The following INPP4B variants were observed in gnomAD, a reference collection of about 807,000 sequenced individuals.
INPP4B encodes inositol polyphosphate-4-phosphatase type II B.
INPP4B carries 55 observed loss-of-function variants against 122.5 expected under a neutral mutation model. That is an observed-to-expected ratio of 0.45 (90% CI 0.36 to 0.56). INPP4B has a LOEUF of 0.56. INPP4B is among the 20% of genes least tolerant of loss of function. The pLI, the probability that INPP4B is intolerant of heterozygous loss-of-function variation, is 0.00. For synonymous variants in INPP4B, 403 were observed against 388.7 expected (o/e 1.04, Z -0.43); for missense variants, 1,000 against 1,097.7 (o/e 0.91, Z 1.26).
At chr4:142,225,692 T>C (rs566745087) in intron 12 of INPP4B, among the ~76,000 whole-genome samples, 1 of 151,904 alleles carries the variant, frequency 6.6e-6, no homozygotes, top group Non-Finnish European at 1.5e-5. Context: ...ATGATGAAAA[T>C]TGTATATAGG....
intron 2 of INPP4B, among the ~76,000 whole-genome samples, chr4:142,641,305 A>T (rs996892540): frequency 6.6e-6 from 1 of 152,092 alleles, no homozygotes; most frequent in Non-Finnish European, 1.5e-5. Flanking sequence ...GTTCTAGGGT[A>T]CATGTGCACA....
rs1193027913 is a variant in INPP4B at position 142,442,857 on chromosome 4, T to C, written c.-126-11472A>G. The stretch of plus-strand genomic sequence containing the variant: ...GAGGTTTAATGGACTCAAAGTTCCA[T>C]ACAGCTGGGGAGGCTTCACAATCAT... On this transcript the variant is annotated intron_variant, in intron 3 of 25. Coordinates refer to ENST00000262992, the MANE Select transcript of INPP4B (RefSeq NM_001101669.3). Among the ~76,000 whole-genome samples the C allele has an allele frequency of 2.6e-5, 4 of 152,158 alleles. No homozygotes were observed. The East Asian group carries it at 7.7e-4, about 29-fold the overall frequency.
intron 7 of INPP4B, among the ~76,000 whole-genome samples, chr4:142,393,655 G>A (rs998248676): frequency 6.6e-6 from 1 of 152,204 alleles, no homozygotes; most frequent in Non-Finnish European, 1.5e-5. Flanking sequence ...TGGATGAACT[G>A]CAACCACAAG....
At chr4:142,694,399 G>C (rs887360098) in intron 2 of INPP4B, among the ~76,000 whole-genome samples, 1 of 143,776 alleles carries the variant, frequency 7.0e-6, no homozygotes, top group African/African-American at 2.5e-5. Flanking sequence ...AAGAAAAAAA[G>C]AAAAAAAAAA....
At chr4:142,158,741 A>T (rs1388682857) in intron 17 of INPP4B, among the ~76,000 whole-genome samples, 1 of 151,578 alleles carries the variant, frequency 6.6e-6, no homozygotes, top group Admixed American at 6.6e-5. Flanking sequence ...TTCAAAAATT[A>T]TCTAAAGAAA....
chr4:142,120,195 T>A (rs1007718800), intron 21 of INPP4B, among the ~76,000 whole-genome samples: 1 of 148,382 alleles, frequency 6.7e-6, no homozygotes, highest in Non-Finnish European at 1.5e-5. Flanking sequence ...TTTGTTCTAT[T>A]AATCTACATT....
chr4:142,305,449 G>A lies in INPP4B; in HGVS notation c.503+9C>T. ...CTTTAACAGTATTTCTACAAACAAA[G>A]AGACCCACCTCAGGCTCAGGACCAG... On this transcript the variant is annotated intron_variant, in intron 9 of 25. Coordinates refer to ENST00000262992, the MANE Select transcript of INPP4B (RefSeq NM_001101669.3). 5 of 1,601,190 alleles carry A rather than the reference G, an allele frequency of 3.1e-6. No homozygotes were observed. The highest frequency in any genetic ancestry group is 4.3e-6 in the Non-Finnish European group (5 of 1,171,572).
chr4:142,386,786 C>T (rs1421909523), intron 7 of INPP4B, among the ~76,000 whole-genome samples: 1 of 152,168 alleles, frequency 6.6e-6, no homozygotes, highest in Non-Finnish European at 1.5e-5. Flanking sequence ...ATTCCTTGCT[C>T]AATTAAACTC....
intron 3 of INPP4B, among the ~76,000 whole-genome samples, chr4:142,462,276 T>C (rs1580127166): frequency 1.3e-5 from 2 of 152,164 alleles, no homozygotes; most frequent in South Asian, 4.1e-4. Flanking sequence ...CTTTTACTTA[T>C]ATATTGATAT....
intron 2 of INPP4B, chr4:142,473,230 C>A (rs915552030): frequency 2.6e-5 from 4 of 152,190 alleles, no homozygotes; most frequent in African/African-American, 9.7e-5. Flanking sequence ...CTAGAGGAAA[C>A]AAAAGGGCTA....
chr4:142,358,663 A>C (rs933124701), intron 7 of INPP4B, among the ~76,000 whole-genome samples: 24 of 151,250 alleles, frequency 1.6e-4, no homozygotes, highest in Admixed American at 3.3e-4. Context: ...AAAAAAAAAA[A>C]AAAAAAAACT....
At chr4:142,258,955 A>T (rs906916837) in intron 11 of INPP4B, among the ~76,000 whole-genome samples, 1 of 152,146 alleles carries the variant, frequency 6.6e-6, no homozygotes, top group African/African-American at 2.4e-5. Flanking sequence ...GAACCAACCC[A>T]AATGTCCAAC....
At chr4:142,300,322 G>A (rs951108213) in intron 9 of INPP4B, among the ~76,000 whole-genome samples, 1 of 152,096 alleles carries the variant, frequency 6.6e-6, no homozygotes, top group Non-Finnish European at 1.5e-5. Context: ...CGCTGCTTCT[G>A]GCTCTCAAGT....
At chr4:142,664,320 C>T (rs570646067) in intron 2 of INPP4B, among the ~76,000 whole-genome samples, 2 of 152,246 alleles carry the variant, frequency 1.3e-5, no homozygotes, top group East Asian at 1.9e-4. Flanking sequence ...GCCATCTCTT[C>T]TCCCCGCTAA....
intron 2 of INPP4B, among the ~76,000 whole-genome samples, chr4:142,544,516 G>GCATA (rs1323854192): frequency 1.3e-5 from 2 of 151,954 alleles, no homozygotes; most frequent in Non-Finnish European, 2.9e-5. Context: ...ACCATCAGAA[G>GCATA]CATACATGAG....
intron 1 of INPP4B, among the ~76,000 whole-genome samples, chr4:142,797,458 C>T (rs745598495): frequency 4.6e-5 from 7 of 151,482 alleles, no homozygotes; most frequent in South Asian, 2.1e-4. Context: ...AGCAAAAAGG[C>T]GAAGAGAAGA....
At chr4:142,700,014 A>C (rs2150753304) in intron 2 of INPP4B, among the ~76,000 whole-genome samples, 1 of 152,260 alleles carries the variant, frequency 6.6e-6, no homozygotes, top group Non-Finnish European at 1.5e-5. Flanking sequence ...AGAACAAAAC[A>C]AAAAAATTTT....
At chr4:142,566,553 G>A (rs951024105) in intron 2 of INPP4B, among the ~76,000 whole-genome samples, 2 of 152,176 alleles carry the variant, frequency 1.3e-5, no homozygotes, top group African/African-American at 4.8e-5. Flanking sequence ...ATATCCTAAA[G>A]AGAATGTCTA....
chr4:142,596,427 C>A (rs1174077271), intron 2 of INPP4B, among the ~76,000 whole-genome samples: 1 of 152,102 alleles, frequency 6.6e-6, no homozygotes, highest in African/African-American at 2.4e-5. Context: ...CCTTCAGTAG[C>A]TGGGCCAATT....
Sources: gnomAD v4.1 joint callset for allele counts (sites outside exome capture counted in the v4.1 genomes callset) on GRCh38, gnomAD v4.1.1 for gene constraint, MANE v1.5 for transcripts, NCBI Gene and HGNC (gene_info 2026-07-23, HGNC 2026-07-21) for gene names.